The following CCDC15 variants were observed in gnomAD, a reference collection of about 807,000 sequenced individuals.
CCDC15 encodes the protein coiled-coil domain-containing protein 15.
In CCDC15, 105 loss-of-function variants were observed where a neutral mutation model predicts 114.5. That is an observed-to-expected ratio of 0.92 (90% CI 0.78 to 1.08). CCDC15 has a LOEUF of 1.08. Among genes scored for constraint, CCDC15 ranks in the 50% least tolerant of loss-of-function variants. The probability of loss-of-function intolerance (pLI) is 0.00; values close to 1 mark genes in which losing one functional copy is unlikely to be tolerated. For synonymous variants in CCDC15, 334 were observed against 377.8 expected (o/e 0.88, Z 1.34); for missense variants, 1,105 against 1,093.6 (o/e 1.01, Z -0.15).
intron 4 of CCDC15, among the ~76,000 whole-genome samples, chr11:124,972,218 G>T (rs540957102): frequency 4.5e-4 from 68 of 152,262 alleles, no homozygotes; most frequent in African/African-American, 1.6e-3. Context: ...ATCGTAGTCT[G>T]TTAATAACAG....
intron 6 of CCDC15, among the ~76,000 whole-genome samples, chr11:124,986,114 A>G (rs1229234227): frequency 1.3e-5 from 2 of 152,150 alleles, no homozygotes; most frequent in African/African-American, 4.8e-5. Flanking sequence ...TGAAAACACT[A>G]TTCTTTCCTC....
At chr11:124,963,501 C>G (rs1181342417) in intron 4 of CCDC15, among the ~76,000 whole-genome samples, 1 of 152,094 alleles carries the variant, frequency 6.6e-6, no homozygotes, top group Non-Finnish European at 1.5e-5. Context: ...TTGATTTTTT[C>G]TTGTAAATTT....
At chr11:125,008,325 C>A (rs753481845) in intron 13 of CCDC15, among the ~76,000 whole-genome samples, 1 of 152,116 alleles carries the variant, frequency 6.6e-6, no homozygotes, top group East Asian at 1.9e-4. Context: ...AAACTCCACC[C>A]GTTCATTGCT....
chr11:124,964,054 A>G (rs1005034045), intron 4 of CCDC15, among the ~76,000 whole-genome samples: 18 of 152,186 alleles, frequency 1.2e-4, no homozygotes, highest in Non-Finnish European at 2.1e-4. Context: ...ACCTTGTAAT[A>G]TAGTTTGAAG....
intron 13 of CCDC15, among the ~76,000 whole-genome samples, chr11:125,018,465 CATGACTGGAAATAG>C (rs1948642145): frequency 6.6e-6 from 1 of 151,926 alleles, no homozygotes; most frequent in Non-Finnish European, 1.5e-5. Flanking sequence ...TTGGGTAAAG[CATGACTGGAAATAG>C]ATCATTATAA....
At chr11:125,022,086 C>T (rs527723727) in intron 13 of CCDC15, among the ~76,000 whole-genome samples, 55 of 151,982 alleles carry the variant, frequency 3.6e-4, no homozygotes, top group African/African-American at 1.2e-3. Context: ...ATCTTAGGCT[C>T]GTCTTTTAAC....
intron 15 of CCDC15, 90 bp from the exon 16 acceptor site, chr11:125,040,496 ACTCT>A: frequency 8.9e-7 from 1 of 1,123,220 alleles, no homozygotes; most frequent in Non-Finnish European, 1.2e-6. Flanking sequence ...TACTTGTAAG[ACTCT>A]TGGTAGAGAA....
At chr11:124,990,621 A>C (rs994760310) in intron 8 of CCDC15, among the ~76,000 whole-genome samples, 1 of 152,250 alleles carries the variant, frequency 6.6e-6, no homozygotes, top group African/African-American at 2.4e-5. Flanking sequence ...CTCTTACTAA[A>C]TGTTAAAGTA....
At chr11:125,039,166 A>G in intron 15 of CCDC15, 97 bp downstream of exon 15, 5 of 1,183,008 alleles carry the variant, frequency 4.2e-6, no homozygotes, top group Middle Eastern at 2.0e-4. Context: ...AGTGCTTACT[A>G]TGTATCAGAG....
chr11:124,981,864 G>A (rs759583214), intron 6 of CCDC15, among the ~76,000 whole-genome samples: 3 of 152,078 alleles, frequency 2.0e-5, no homozygotes, highest in Non-Finnish European at 4.4e-5. Context: ...CAAGTGATCC[G>A]CCCACCTCAG....
intron 2 of CCDC15, among the ~76,000 whole-genome samples, chr11:124,956,444 A>G (rs1947550782): frequency 6.7e-6 from 1 of 148,510 alleles, no homozygotes; most frequent in Admixed American, 6.7e-5. Context: ...CCATCTCTGG[A>G]AAAAAAAAAG....
In CCDC15 at chr11:124,986,703, G is replaced by GCGCA; in HGVS notation, c.754-36_754-35insACGC. 2.0e-6 allele frequency: 3 copies of GCGCA among 1,478,248 alleles called. 1 individual carries two copies. The highest frequency in any genetic ancestry group is 2.5e-5 in the East Asian group (1 of 39,826). 91.6% of individuals were successfully genotyped at this position (1,478,248 alleles called of 1,614,324 possible). ...TGTGTGTGTGTGTTTGTGTGTGTGC[G>GCGCA]CGCGCGCGCGTGCGCGTTTTCATTG... On this transcript the variant is annotated intron_variant, in intron 6 of 15. Transcript: ENST00000344762.
intron 11 of CCDC15, among the ~76,000 whole-genome samples, chr11:124,994,794 G>A (rs565233616): frequency 4.6e-5 from 7 of 152,266 alleles, no homozygotes; most frequent in East Asian, 3.9e-4. Flanking sequence ...AGATTTTTCC[G>A]TGGCTTAACT....
Position 124,987,427 on chromosome 11 carries a change from G to C in CCDC15, c.1201G>C (p.Glu401Gln). ...IMLKAQSIELEEGSIVLKTQD... is the reference protein window; with the variant it reads ...IMLKAQSIELQEGSIVLKTQD... ...GCTGAAAGCCCAGAGTATTGAGCTA[G>C]AAGAAGGGAGTATTGTGTTGAAAAC... is the stretch of plus-strand genomic sequence containing the variant. Residue 401 changes from glutamate to glutamine, a missense_variant, in exon 8 of 16, where the codon GAA becomes CAA. Coordinates refer to ENST00000344762, the MANE Select transcript of CCDC15 (RefSeq NM_025004.3). 1 of 1,613,978 alleles carries C rather than the reference G, an allele frequency of 6.2e-7. No individual in the cohort carries two copies.
At chr11:125,010,650 C>T (rs1948584097) in intron 13 of CCDC15, among the ~76,000 whole-genome samples, 1 of 152,134 alleles carries the variant, frequency 6.6e-6, no homozygotes, top group South Asian at 2.1e-4. Flanking sequence ...AGTGAGCTAC[C>T]ACGCCTGGCC....
chr11:125,011,895 A>G (rs1407327171), intron 13 of CCDC15, among the ~76,000 whole-genome samples: 2 of 152,216 alleles, frequency 1.3e-5, no homozygotes, highest in African/African-American at 4.8e-5. Flanking sequence ...ACATGCAGGA[A>G]CATGAGTGGA....
intron 4 of CCDC15, among the ~76,000 whole-genome samples, chr11:124,960,223 A>G (rs73619275): frequency 0.013 from 2,045 of 151,514 alleles, 28 homozygotes; most frequent in African/African-American, 0.045. Flanking sequence ...TGTGTTTGGT[A>G]AGATACTCTA....
In CCDC15 at chr11:124,986,818, T is replaced by C. The variant is rs1948173368; in HGVS notation, c.830T>C (p.Phe277Ser). The stretch of plus-strand genomic sequence containing the variant: ...GATGAGAAAGGGAAAGAAGATTTGT[T>C]TGGGAGAGGCCAGCAGGACCAGCAG... ...VTDEKGKEDL[F>S]GRGQQDQQAI... The change falls in exon 7 of 16, where the codon TTT becomes TCT. Residue 277 changes from phenylalanine (F) to serine (S), a missense_variant. Physicochemically the swap from Phe to Ser is radical, Grantham distance 155 (BLOSUM62 -2). Coordinates refer to ENST00000344762, the MANE Select transcript of CCDC15 (RefSeq NM_025004.3). 2.6e-6 allele frequency: 4 copies of C among 1,555,900 alleles called. No individual in the cohort carries two copies. The highest frequency in any genetic ancestry group is 3.5e-6 in the Non-Finnish European group (4 of 1,148,928).
chr11:124,976,885 A>G (rs539777030), intron 5 of CCDC15, among the ~76,000 whole-genome samples: 15 of 152,294 alleles, frequency 9.8e-5, no homozygotes, highest in African/African-American at 3.1e-4. Flanking sequence ...GCTTCCAAAG[A>G]AAGCATATAT....
Sources: allele counts gnomAD v4.1 joint callset (sites outside exome capture counted in the v4.1 genomes callset), GRCh38; gene constraint gnomAD v4.1.1; transcripts MANE v1.5; gene names NCBI Gene and HGNC (gene_info 2026-07-23, HGNC 2026-07-21).